Variants in PCDH15 observed in about 807,000 individuals in gnomAD.
PCDH15 encodes protocadherin related 15.
Under a neutral mutation model 178.5 loss-of-function variants are expected in PCDH15, and 129 were observed. That is an observed-to-expected ratio of 0.72 (90% CI 0.63 to 0.84). The LOEUF (loss-of-function observed/expected upper bound fraction) is 0.84, where lower values mean the gene tolerates loss of function less well. PCDH15 is among the 40% of genes least tolerant of loss of function. PCDH15 has a pLI of 0.00. For missense variants in PCDH15, 2,230 were observed against 2,099.9 expected, an observed-to-expected ratio of 1.06 and a Z score of -1.21; for synonymous variants, 800 against 732.0, an observed-to-expected ratio of 1.09 and a Z score of -1.50.
intron 3 of PCDH15, among the ~76,000 whole-genome samples, chr10:54,499,491 C>CA (rs2080441136): frequency 1.3e-5 from 2 of 151,910 alleles, no homozygotes. Context: ...AATAGTGCAA[C>CA]AAAAATAGAA....
intron 1 of PCDH15, among the ~76,000 whole-genome samples, chr10:55,192,944 G>A (rs1030241612): frequency 6.7e-6 from 1 of 149,068 alleles, no homozygotes; most frequent in African/African-American, 2.5e-5. Context: ...TATAAAATAT[G>A]CCTGCATAGG....
intron 2 of PCDH15, among the ~76,000 whole-genome samples, chr10:55,093,332 A>G (rs1401678648): frequency 6.6e-6 from 1 of 151,984 alleles, no homozygotes; most frequent in Non-Finnish European, 1.5e-5. Flanking sequence ...ATGTCAAATA[A>G]TGGTGGTTTT....
chr10:55,387,951 C>G (rs949884665), intron 2 of PCDH15, among the ~76,000 whole-genome samples: 32 of 151,832 alleles, frequency 2.1e-4, no homozygotes, highest in African/African-American at 7.7e-4. Context: ...AATATGTCTT[C>G]TACCTCACTT....
At chr10:54,101,469 C>T (rs1015127758) in intron 15 of PCDH15, among the ~76,000 whole-genome samples, 2 of 152,126 alleles carry the variant, frequency 1.3e-5, no homozygotes, top group Non-Finnish European at 2.9e-5. Context: ...ACAACTAATA[C>T]TTAGCATGTA....
chr10:55,431,207 A>T (rs1176646270), intron 2 of PCDH15, among the ~76,000 whole-genome samples: 1 of 152,210 alleles, frequency 6.6e-6, no homozygotes, highest in Non-Finnish European at 1.5e-5. Context: ...ATCAAAAATT[A>T]AAATGATGAA....
chr10:55,363,429 G>A (rs929345516), intron 2 of PCDH15, among the ~76,000 whole-genome samples: 2 of 152,076 alleles, frequency 1.3e-5, no homozygotes, highest in Non-Finnish European at 2.9e-5. Flanking sequence ...TGAAATAAAT[G>A]CCCCAGATTG....
At chr10:54,964,737 T>C (rs1838740147) in intron 2 of PCDH15, among the ~76,000 whole-genome samples, 1 of 152,188 alleles carries the variant, frequency 6.6e-6, no homozygotes, top group Non-Finnish European at 1.5e-5. Context: ...CCATTTTCCC[T>C]GGGGCTTAAA....
At chr10:55,063,192 A>G (rs1841481005) in intron 2 of PCDH15, among the ~76,000 whole-genome samples, 1 of 152,144 alleles carries the variant, frequency 6.6e-6, no homozygotes, top group African/African-American at 2.4e-5. Context: ...CTGAAAATGT[A>G]CATAAGTAGA....
chr10:54,175,865 G>GAATAACTACCTATGATATAGGTAT (rs2047381006), intron 13 of PCDH15, among the ~76,000 whole-genome samples: 1 of 151,972 alleles, frequency 6.6e-6, no homozygotes, highest in African/African-American at 2.4e-5. Flanking sequence ...CTATGATATA[G>GAATAACTACCTATGATATAGGTAT]AATAACTACC....
chr10:55,362,774 C>A (rs1175198490), intron 2 of PCDH15, among the ~76,000 whole-genome samples: 4 of 152,074 alleles, frequency 2.6e-5, no homozygotes, highest in Admixed American at 1.3e-4. Flanking sequence ...CCTTTAACAG[C>A]CATAGCTACT....
At chr10:55,379,158 A>T (rs1174291443) in intron 2 of PCDH15, among the ~76,000 whole-genome samples, 1 of 151,756 alleles carries the variant, frequency 6.6e-6, no homozygotes, top group African/African-American at 2.4e-5. Context: ...TTTTGGGAAA[A>T]CAAATCTTTG....
chr10:53,946,774 T>C (rs2086609266), intron 23 of PCDH15, among the ~76,000 whole-genome samples: 1 of 152,192 alleles, frequency 6.6e-6, no homozygotes, highest in African/African-American at 2.4e-5. Flanking sequence ...AACTAATTCA[T>C]ACATATCCTT....
intron 1 of PCDH15, among the ~76,000 whole-genome samples, chr10:55,176,217 G>T (rs1428123406): frequency 2.6e-5 from 4 of 152,056 alleles, no homozygotes; most frequent in Non-Finnish European, 5.9e-5. Flanking sequence ...ACCATGAGGG[G>T]TGTCTCAGGA....
chr10:54,281,455 T>G (rs1178885532), intron 8 of PCDH15, among the ~76,000 whole-genome samples: 1 of 151,898 alleles, frequency 6.6e-6, no homozygotes, highest in East Asian at 1.9e-4. Flanking sequence ...CTAATTAAAT[T>G]AATATATGAA....
intron 2 of PCDH15, among the ~76,000 whole-genome samples, chr10:55,119,262 C>G (rs1159049834): frequency 6.6e-6 from 1 of 152,082 alleles, no homozygotes; most frequent in Non-Finnish European, 1.5e-5. Context: ...AGGTCACACA[C>G]CCAGGAAGCT....
At chr10:55,578,189 A>ATATTTTATTTTATTTATCTTATTT (rs1842532758) in intron 2 of PCDH15, among the ~76,000 whole-genome samples, 3 of 151,864 alleles carry the variant, frequency 2.0e-5, no homozygotes, top group Admixed American at 2.0e-4. Context: ...GGATTATTTT[A>ATATTTTATTTTATTTATCTTATTT]TATTTTATTT....
At chr10:55,503,082 G>C (rs1372691167) in intron 2 of PCDH15, among the ~76,000 whole-genome samples, 1 of 151,186 alleles carries the variant, frequency 6.6e-6, no homozygotes, top group Non-Finnish European at 1.5e-5. Context: ...AAATATGAAA[G>C]ACATCTTATA....
At chr10:54,127,451 G>T (rs1202251706) in intron 15 of PCDH15, among the ~76,000 whole-genome samples, 4 of 152,150 alleles carry the variant, frequency 2.6e-5, no homozygotes, top group African/African-American at 7.2e-5. Flanking sequence ...TTGTAGAAGT[G>T]TTAAAGGAAC....
rs148401734 is a variant in PCDH15 at position 55,419,865 on chromosome 10, G to A, written c.-156+207760C>T. ...TTGGGGGAAAAGTGCAAAAAAATAT[G>A]AACAGATAGTAAAAGACAAATTAGG... On this transcript the variant is annotated intron_variant, in intron 2 of 5. Transcript: ENST00000613346. 4.1e-3 allele frequency among the ~76,000 whole-genome samples: 627 copies of A among 151,742 alleles called. 4 individuals carry two copies. Among genetic ancestry groups the A allele is most frequent in the African/African-American group, 0.015 (603 of 41,488 alleles).
Sources: allele counts gnomAD v4.1 joint callset (sites outside exome capture counted in the v4.1 genomes callset), GRCh38; gene constraint gnomAD v4.1.1; transcripts MANE v1.5; gene names NCBI Gene and HGNC (gene_info 2026-07-23, HGNC 2026-07-21).